The following MGAT4A variants were observed in gnomAD, a reference collection of about 807,000 sequenced individuals.
The protein encoded by MGAT4A is N-acetylglucosaminyltransferase IVa.
Under a neutral mutation model 74.1 loss-of-function variants are expected in MGAT4A, and 33 were observed. The ratio of observed to expected loss-of-function variants is 0.45; its 90% CI spans 0.34 to 0.60. The LOEUF (loss-of-function observed/expected upper bound fraction) is 0.60. MGAT4A is among the 20% of genes least tolerant of loss of function. MGAT4A has a pLI of 0.02. For missense variants in MGAT4A, 479 were observed against 628.3 expected, an observed-to-expected ratio of 0.76 and a Z score of 2.54; for synonymous variants, 198 against 210.4, an observed-to-expected ratio of 0.94 and a Z score of 0.51.
In MGAT4A at chr2:98,663,054, T is replaced by C. The variant is rs1401102441; in HGVS notation, c.529A>G (p.Ile177Val). Reference sequence around the variant, plus strand: ...AACAATTAAATAATTACCTCTCCTATGAAGACTACTATAACACAGTCCAAC... The same window carrying C: ...AACAATTAAATAATTACCTCTCCTACGAAGACTACTATAACACAGTCCAAC... ...EKLDCVIVVF[I>V]GETDIDYVHG... Residue 177 changes from isoleucine to valine, a missense_variant, in exon 5 of 16, where the codon ATA becomes GTA. By Grantham distance (29) the Ile-to-Val change is conservative (BLOSUM62 3). Coordinates refer to ENST00000393487, the MANE Select transcript of MGAT4A (RefSeq NM_012214.3). 3.3e-6 allele frequency: 5 copies of C among 1,533,436 alleles called. No homozygotes were observed. The highest frequency in any genetic ancestry group is 1.4e-5 in the African/African-American group (1 of 72,732). 95.0% of individuals were successfully genotyped at this position (1,533,436 alleles called of 1,614,324 possible). A position where few individuals can be genotyped will look rare whatever the true frequency, so the allele number is the denominator to read the frequency against.
At chr2:98,666,152 T>C (rs1202707716) in intron 4 of MGAT4A, among the ~76,000 whole-genome samples, 2 of 152,104 alleles carry the variant, frequency 1.3e-5, no homozygotes, top group East Asian at 3.9e-4. Context: ...AATGAGGCTG[T>C]AGGGTGTTTG....
chr2:98,678,509 A>G (rs1702012140), intron 2 of MGAT4A, 38 bp from the exon 3 acceptor site: 1 of 1,346,854 alleles, frequency 7.4e-7, no homozygotes, highest in Non-Finnish European at 1.0e-6. Flanking sequence ...TATATGTCTT[A>G]AAACAAATAA....
chr2:98,635,416 C>A, intron 13 of MGAT4A, 128 bp from the exon 14 acceptor site: 1 of 621,004 alleles, frequency 1.6e-6, no homozygotes, highest in Non-Finnish European at 2.7e-6. Flanking sequence ...AATATCATCT[C>A]AGTCTTGAAC....
At chr2:98,672,175 C>T (rs1449351560) in intron 4 of MGAT4A, among the ~76,000 whole-genome samples, 3 of 152,090 alleles carry the variant, frequency 2.0e-5, no homozygotes, top group South Asian at 2.1e-4. Flanking sequence ...TCAGGCCAAA[C>T]GTAATTTCTC....
chr2:98,664,204 A>C (rs1701793399), intron 4 of MGAT4A, among the ~76,000 whole-genome samples: 2 of 38,424 alleles, frequency 5.2e-5, no homozygotes, highest in South Asian at 1.1e-3. Flanking sequence ...CCATCTCAAA[A>C]AAAAAAAAAA....
chr2:98,654,447 G>C (rs1701629572), intron 8 of MGAT4A, among the ~76,000 whole-genome samples: 1 of 151,828 alleles, frequency 6.6e-6, no homozygotes, highest in South Asian at 2.1e-4. Context: ...AGCAATAAAT[G>C]ATTTCAGCAA....
chr2:98,699,124 G>A (rs1490415194), intron 2 of MGAT4A, among the ~76,000 whole-genome samples: 1 of 152,118 alleles, frequency 6.6e-6, no homozygotes, highest in East Asian at 1.9e-4. Context: ...CAGTGACTCA[G>A]GACACACTTC....
chr2:98,692,309 G>T (rs1234315037), intron 2 of MGAT4A, among the ~76,000 whole-genome samples: 1 of 151,936 alleles, frequency 6.6e-6, no homozygotes, highest in Non-Finnish European at 1.5e-5. Flanking sequence ...TCACTATATT[G>T]CCCAGGCTGG....
Position 98,628,674 on chromosome 2 carries a change from CTTGCCAACAATTTTGTAACA to C in MGAT4A, c.1469-2859_1469-2840del, listed in dbSNP as rs967056254. The stretch of plus-strand genomic sequence containing the variant: ...CATAACTGCACAATAACTACAATGA[CTTGCCAACAATTTTGTAACA>C]TAACCCACATTCTACAGTGTTAAAA... On this transcript the variant is annotated intron_variant, in intron 14 of 15. Coordinates refer to ENST00000393487, the MANE Select transcript of MGAT4A (RefSeq NM_012214.3). Among the ~76,000 whole-genome samples, 77 of 152,300 alleles carry C rather than the reference CTTGCCAACAATTTTGTAACA, an allele frequency of 5.1e-4. 1 individual carries two copies. Among genetic ancestry groups the C allele is most frequent in the African/African-American group, 1.8e-3 (75 of 41,568 alleles).
intron 7 of MGAT4A, chr2:98,656,149 G>A (rs1438336603): frequency 1.0e-5 from 5 of 487,850 alleles, no homozygotes; most frequent in East Asian, 3.8e-5. Flanking sequence ...AGAAAACACA[G>A]TAAAATAAAA....
intron 2 of MGAT4A, among the ~76,000 whole-genome samples, chr2:98,679,976 G>A (rs186548935): frequency 1.2e-4 from 18 of 151,664 alleles, no homozygotes; most frequent in African/African-American, 4.4e-4. Flanking sequence ...AACCGCAAGC[G>A]TGCTTCCAAC....
chr2:98,631,237 C>T (rs1404922815), intron 14 of MGAT4A, among the ~76,000 whole-genome samples: 1 of 152,248 alleles, frequency 6.6e-6, no homozygotes. Context: ...GTCTACTGTT[C>T]TTGCCAATGC....
At chr2:98,715,244 A>G (rs1702576123) in intron 2 of MGAT4A, among the ~76,000 whole-genome samples, 1 of 146,568 alleles carries the variant, frequency 6.8e-6, no homozygotes, top group Non-Finnish European at 1.5e-5. Flanking sequence ...TTTGAATCCG[A>G]GAGGCAGAGG....
intron 8 of MGAT4A, among the ~76,000 whole-genome samples, chr2:98,646,659 A>G (rs530888211): frequency 1.3e-5 from 2 of 152,308 alleles, no homozygotes; most frequent in East Asian, 3.9e-4. Flanking sequence ...CTTATATAGA[A>G]AGGATACAAA....
At chr2:98,628,455 T>C (rs1254915690) in intron 14 of MGAT4A, among the ~76,000 whole-genome samples, 3 of 152,274 alleles carry the variant, frequency 2.0e-5, no homozygotes, top group Non-Finnish European at 2.9e-5. Flanking sequence ...TCGTGATTGG[T>C]AAGTGGTTTT....
At chr2:98,653,260 G>GA (rs953208653) in intron 8 of MGAT4A, among the ~76,000 whole-genome samples, 24 of 107,106 alleles carry the variant, frequency 2.2e-4, no homozygotes, top group African/African-American at 7.9e-4. Flanking sequence ...CAAGGAAATT[G>GA]AAAAAAAGAA....
intron 2 of MGAT4A, among the ~76,000 whole-genome samples, chr2:98,686,570 A>AGTC (rs1702134533): frequency 6.6e-6 from 1 of 151,416 alleles, no homozygotes; most frequent in African/African-American, 2.4e-5. Flanking sequence ...TTCTGGAGAC[A>AGTC]GAGTCTCGCT....
At chr2:98,704,730 A>G (rs1702399173) in intron 2 of MGAT4A, among the ~76,000 whole-genome samples, 1 of 151,962 alleles carries the variant, frequency 6.6e-6, no homozygotes, top group African/African-American at 2.4e-5. Context: ...TGATCACACC[A>G]CTGCACTATA....
intron 14 of MGAT4A, 69 bp downstream of exon 14, chr2:98,635,153 A>AAC: frequency 1.7e-6 from 2 of 1,206,116 alleles, no homozygotes; most frequent in Non-Finnish European, 2.4e-6. Flanking sequence ...TAACATCTGA[A>AAC]AAGAACTGAA....
Sources: gnomAD v4.1 joint callset for allele counts (sites outside exome capture counted in the v4.1 genomes callset) on GRCh38, gnomAD v4.1.1 for gene constraint, MANE v1.5 for transcripts, NCBI Gene and HGNC (gene_info 2026-07-23, HGNC 2026-07-21) for gene names.